The following SMURF2 variants were observed in gnomAD, a reference collection of about 807,000 sequenced individuals.
SMURF2 encodes the protein SMAD specific E3 ubiquitin protein ligase 2, also known as E3 ubiquitin-protein ligase SMURF2.
SMURF2 carries 48 observed loss-of-function variants against 109.6 expected under a neutral mutation model. The ratio of observed to expected loss-of-function variants is 0.44; its 90% CI spans 0.35 to 0.56. SMURF2 has a LOEUF of 0.56. Ranked by LOEUF, SMURF2 falls within the 20% of genes least tolerant of loss-of-function variation. The pLI, the probability that SMURF2 is intolerant of heterozygous loss-of-function variation, is 0.01. For synonymous variants in SMURF2, 288 were observed against 317.1 expected (o/e 0.91, Z 0.97); for missense variants, 575 against 909.0 (o/e 0.63, Z 4.72).
chr17:64,559,622 C>T (rs542626119), intron 12 of SMURF2, among the ~76,000 whole-genome samples: 3 of 151,224 alleles, frequency 2.0e-5, no homozygotes, highest in South Asian at 2.1e-4. Context: ...AAACTGACTA[C>T]GAGCCAGGCA....
chr17:64,621,985 TAA>T (rs200773394), intron 1 of SMURF2, among the ~76,000 whole-genome samples: 23 of 132,064 alleles, frequency 1.7e-4, no homozygotes, highest in African/African-American at 4.7e-4. Flanking sequence ...ATAATAATAA[TAA>T]AAAAAAGCAC....
chr17:64,557,644 A>G lies in SMURF2; in HGVS notation c.1395T>C (p.Tyr465=). 6.2e-7 allele frequency: 1 copy of G among 1,611,526 alleles called. No individual in the cohort carries two copies. Among genetic ancestry groups the G allele is most frequent in the South Asian group, 1.1e-5 (1 of 90,916 alleles). ...GLFQYSRDDI[Y]TLQINPDSAV... The stretch of plus-strand genomic sequence containing the variant: ...CAGAATCAGGATTGATCTGCAATGT[A>G]TAAATATCATCTCTTGAATACTGGA... Residue 465 remains tyrosine, a synonymous_variant, in exon 13 of 19, where the codon TAT becomes TAC. Coordinates refer to ENST00000262435, the MANE Select transcript of SMURF2 (RefSeq NM_022739.4).
At chr17:64,595,079 C>T (rs1555687985) in intron 3 of SMURF2, among the ~76,000 whole-genome samples, 1 of 152,122 alleles carries the variant, frequency 6.6e-6, no homozygotes, top group Non-Finnish European at 1.5e-5. Context: ...TATTGATTAC[C>T]TCAGTCCTCA....
Position 64,658,247 on chromosome 17 carries a change from C to T in SMURF2, c.52+3582G>A, listed in dbSNP as rs557563969. 1.2e-4 allele frequency among the ~76,000 whole-genome samples: 18 copies of T among 152,172 alleles called. No homozygotes were observed. The East Asian group carries it at 3.5e-3, about 29-fold the overall frequency. ...TGGTGGGCGCCTGTAATCCCACCTACTCGGGAGGCTGAGGCAGGAGAATCA... is the reference window on the plus strand; with the variant it reads ...TGGTGGGCGCCTGTAATCCCACCTATTCGGGAGGCTGAGGCAGGAGAATCA... On this transcript the variant is annotated intron_variant, in intron 1 of 18. Coordinates refer to ENST00000262435, the MANE Select transcript of SMURF2 (RefSeq NM_022739.4).
At chr17:64,563,425 GA>G (rs1969254398) in intron 10 of SMURF2, among the ~76,000 whole-genome samples, 1 of 152,022 alleles carries the variant, frequency 6.6e-6, no homozygotes, top group Non-Finnish European at 1.5e-5. Flanking sequence ...ACCATACAAA[GA>G]AAATACACCT....
chr17:64,613,402 A>G (rs1370076706), intron 1 of SMURF2, among the ~76,000 whole-genome samples: 1 of 152,198 alleles, frequency 6.6e-6, no homozygotes, highest in Non-Finnish European at 1.5e-5. Flanking sequence ...AATAGAAACT[A>G]TGGAAAGTAG....
At chr17:64,548,190 T>C (rs782008427) in intron 16 of SMURF2, among the ~76,000 whole-genome samples, 11 of 152,138 alleles carry the variant, frequency 7.2e-5, no homozygotes, top group Non-Finnish European at 1.0e-4. Flanking sequence ...AAAGAGTAAA[T>C]ACAGATATGT....
intron 16 of SMURF2, 80 bp downstream of exon 16, chr17:64,551,504 T>C (rs542761289): frequency 6.8e-7 from 1 of 1,463,874 alleles, no homozygotes; most frequent in Non-Finnish European, 9.4e-7. Flanking sequence ...AGAAATATGC[T>C]TTCCTCTAAA....
Position 64,557,609 on chromosome 17 carries a change from G to A in SMURF2, c.1430C>T (p.Pro477Leu), listed in dbSNP as rs534931526. The change falls in exon 13 of 19, where the codon CCG becomes CTG. Residue 477 changes from proline (P) to leucine (L), a missense_variant and splice_region_variant. Physicochemically the swap from Pro to Leu is moderately conservative, Grantham distance 98. Around this residue, in one of 5 missense-constraint regions of SMURF2, gnomAD observed 361 missense variants for 612.1 expected, o/e 0.59. Coordinates refer to ENST00000262435, the MANE Select transcript of SMURF2 (RefSeq NM_022739.4). ...TCACATCATAACTTCAAATCATACCGGATTAACTGCAGAATCAGGATTGAT... is the reference window on the plus strand; with the variant it reads ...TCACATCATAACTTCAAATCATACCAGATTAACTGCAGAATCAGGATTGAT... ...LQINPDSAVN[P>L]EHLSYFHFVG... The A allele has an allele frequency of 2.6e-6, 4 of 1,560,078 alleles. No individual in the cohort carries two copies. The highest frequency in any genetic ancestry group is 2.3e-5 in the East Asian group (1 of 44,348).
chr17:64,561,637 T>C, intron 11 of SMURF2, 34 bp from the exon 12 acceptor site: 1 of 1,446,342 alleles, frequency 6.9e-7, no homozygotes, highest in Non-Finnish European at 9.6e-7. Flanking sequence ...CCTATTACTA[T>C]TAGGTCCTTT....
In SMURF2 at chr17:64,547,568, C is replaced by T; in HGVS notation, c.2071+32G>A. 6.2e-7 allele frequency: 1 copy of T among 1,605,870 alleles called. No individual in the cohort carries two copies. The highest frequency in any genetic ancestry group is 8.5e-7 in the Non-Finnish European group (1 of 1,172,834). On this transcript the variant is annotated intron_variant, in intron 17 of 18. Transcript: ENST00000262435. The surrounding 1 kb of genome is among the most constrained non-coding windows in gnomAD (Gnocchi z 4.2). ...ACGCTGACAGCCCCGCCCCCACCCGCTGCCCAGCTTGCCTGCACCTCAGGC... is the reference window on the plus strand; with the variant it reads ...ACGCTGACAGCCCCGCCCCCACCCGTTGCCCAGCTTGCCTGCACCTCAGGC...
intron 2 of SMURF2, among the ~76,000 whole-genome samples, chr17:64,600,567 C>T (rs1235026596): frequency 3.3e-5 from 5 of 152,130 alleles, no homozygotes; most frequent in Non-Finnish European, 7.4e-5. Flanking sequence ...TGTGATCTAT[C>T]GCTTCCAAAT....
chr17:64,562,706 G>A, intron 11 of SMURF2, 65 bp downstream of exon 11: 1 of 1,480,312 alleles, frequency 6.8e-7, no homozygotes, highest in South Asian at 1.2e-5. Context: ...AATAAGGTTT[G>A]TATTAGCAAG....
At chr17:64,598,588 T>G (rs1969850056) in intron 2 of SMURF2, 98 bp from the exon 3 acceptor site, 4 of 975,014 alleles carry the variant, frequency 4.1e-6, no homozygotes, top group Non-Finnish European at 5.7e-6. Flanking sequence ...ATTCCATTCT[T>G]TTAAAAAAGT....
At chr17:64,648,058 TAAAAAAAAA>T (rs56131846) in intron 1 of SMURF2, among the ~76,000 whole-genome samples, 6 of 17,686 alleles carry the variant, frequency 3.4e-4, no homozygotes, top group Admixed American at 1.4e-3. Context: ...CCCTATCTCT[TAAAAAAAAA>T]AAAAAAAAAA....
chr17:64,555,871 T>A lies in SMURF2; in HGVS notation c.1559A>T (p.Asp520Val). The change falls in exon 14 of 19, where the codon GAT becomes GTT. Residue 520 changes from aspartate to valine, a missense_variant. Around this residue, in one of 5 missense-constraint regions of SMURF2, gnomAD observed 361 missense variants for 612.1 expected, o/e 0.59. Transcript: ENST00000262435. ...ATCCGGATCTACTAACTCCATGTCA[T>A]CCAAGGTAATTGACTTCCCAAGCAA... The part of the protein sequence containing the change: ...KQLLGKSITL[D>V]DMELVDPDLH... The A allele has an allele frequency of 1.2e-6, 2 of 1,613,328 alleles. No individual in the cohort carries two copies. The highest frequency in any genetic ancestry group is 1.7e-6 in the Non-Finnish European group (2 of 1,179,586).
intron 6 of SMURF2, among the ~76,000 whole-genome samples, chr17:64,583,994 A>G (rs111947758): frequency 6.6e-6 from 1 of 151,938 alleles, no homozygotes; most frequent in East Asian, 1.9e-4. Context: ...GCCTACCCAA[A>G]CTAATTTTTT....
chr17:64,611,735 A>G (rs1221202058), intron 1 of SMURF2, among the ~76,000 whole-genome samples: 2 of 152,128 alleles, frequency 1.3e-5, no homozygotes, highest in Non-Finnish European at 2.9e-5. Flanking sequence ...GCTGGACCTG[A>G]AGTGAGCTAA....
At position 64,546,277 on chromosome 17, in the gene SMURF2, C is replaced by T. The variant is rs781818745; in HGVS notation, c.2133G>A (p.Pro711=). Residue 711 remains proline (P), a synonymous_variant, in exon 18 of 19, where the codon CCG becomes CCA. Transcript: ENST00000262435. ...HQIDACTNNL[P]KAHTCFNRID... is the part of the protein sequence containing the mutation. Reference sequence around the variant, plus strand: ...AAATACCTTACCAAGTGTGGGCTTTCGGCAGGTTGTTAGTGCAGGCATCAA... The same window carrying T: ...AAATACCTTACCAAGTGTGGGCTTTTGGCAGGTTGTTAGTGCAGGCATCAA... 8 of 1,613,906 alleles carry T rather than the reference C, an allele frequency of 5.0e-6. No individual in the cohort carries two copies. The highest frequency in any genetic ancestry group is 2.7e-5 in the African/African-American group (2 of 74,912).
Sources: allele counts gnomAD v4.1 joint callset (sites outside exome capture counted in the v4.1 genomes callset), GRCh38; gene constraint gnomAD v4.1.1; regional missense constraint gnomAD v4.1.1; non-coding constraint Gnocchi (gnomAD v3.1); transcripts MANE v1.5; gene names NCBI Gene and HGNC (gene_info 2026-07-23, HGNC 2026-07-21).